The following NELL1 variants were observed in gnomAD, a reference collection of about 807,000 sequenced individuals.
NELL1 encodes protein kinase C-binding protein NELL1.
In NELL1, 76 loss-of-function variants were observed where a neutral mutation model predicts 107.4. The ratio of observed to expected loss-of-function variants is 0.71; its 90% CI spans 0.59 to 0.86. NELL1 has a LOEUF of 0.86. Ranked by LOEUF, NELL1 falls within the 40% of genes least tolerant of loss-of-function variation. The probability of loss-of-function intolerance (pLI) is 0.00; values close to 1 mark genes in which losing one functional copy is unlikely to be tolerated. For missense variants in NELL1, 1,024 were observed against 1,005.5 expected, an observed-to-expected ratio of 1.02 and a Z score of -0.25; for synonymous variants, 353 against 341.2, an observed-to-expected ratio of 1.03 and a Z score of -0.38.
intron 14 of NELL1, among the ~76,000 whole-genome samples, chr11:21,293,854 C>A (rs2133963482): frequency 6.6e-6 from 1 of 152,230 alleles, no homozygotes; most frequent in South Asian, 2.1e-4. Flanking sequence ...ACCACATGAT[C>A]TCACTCATAA....
chr11:21,408,094 G>A (rs757583737), intron 15 of NELL1, among the ~76,000 whole-genome samples: 19 of 151,936 alleles, frequency 1.3e-4, no homozygotes, highest in Non-Finnish European at 2.1e-4. Context: ...TGCTCATGGA[G>A]AGCAGCATGA....
intron 14 of NELL1, among the ~76,000 whole-genome samples, chr11:21,234,815 C>T (rs1241788400): frequency 1.3e-5 from 2 of 152,112 alleles, no homozygotes; most frequent in Admixed American, 1.3e-4. Flanking sequence ...TGTGACAGAT[C>T]ATGCTAAAGA....
intron 14 of NELL1, among the ~76,000 whole-genome samples, chr11:21,242,280 A>G (rs1253737253): frequency 6.6e-6 from 1 of 152,092 alleles, no homozygotes; most frequent in African/African-American, 2.4e-5. Context: ...GTCACTTTCT[A>G]TCTTGTGTCT....
intron 13 of NELL1, among the ~76,000 whole-genome samples, chr11:21,150,122 A>G (rs1856081172): frequency 6.6e-6 from 1 of 152,144 alleles, no homozygotes; most frequent in Non-Finnish European, 1.5e-5. Flanking sequence ...TCACTGGAGC[A>G]TAGTGAGGCC....
chr11:20,937,903 T>G (rs750381072), intron 10 of NELL1, 44 bp downstream of exon 10: 1 of 1,567,796 alleles, frequency 6.4e-7, no homozygotes, highest in Non-Finnish European at 8.8e-7. Flanking sequence ...GGAAAATGAA[T>G]AGATAGATGT....
intron 15 of NELL1, among the ~76,000 whole-genome samples, chr11:21,436,364 T>A (rs1005620494): frequency 6.6e-6 from 1 of 152,148 alleles, no homozygotes; most frequent in Admixed American, 6.5e-5. Context: ...TCTTCCTTAT[T>A]TAATCTTGTT....
chr11:21,413,976 G>A (rs1392639781), intron 15 of NELL1, among the ~76,000 whole-genome samples: 1 of 152,026 alleles, frequency 6.6e-6, no homozygotes, highest in Non-Finnish European at 1.5e-5. Context: ...GTTCACAATG[G>A]TAGTAAAATC....
chr11:21,102,118 G>A (rs1458028099), intron 12 of NELL1, among the ~76,000 whole-genome samples: 1 of 152,160 alleles, frequency 6.6e-6, no homozygotes, highest in African/African-American at 2.4e-5. Context: ...CTCCCAAAGT[G>A]CTGGAATGAC....
At chr11:21,307,328 GTGTT>G (rs1412699679) in intron 14 of NELL1, among the ~76,000 whole-genome samples, 1 of 151,876 alleles carries the variant, frequency 6.6e-6, no homozygotes, top group African/African-American at 2.4e-5. Flanking sequence ...GGATGTGTGT[GTGTT>G]TGTGTGTGTG....
chr11:20,992,050 GA>G (rs1250662284), intron 12 of NELL1, among the ~76,000 whole-genome samples: 1 of 150,142 alleles, frequency 6.7e-6, no homozygotes, highest in Non-Finnish European at 1.5e-5. Context: ...ATGTTTTTAG[GA>G]AGACAAAGAT....
chr11:21,371,938 C>T (rs928385899), intron 15 of NELL1, among the ~76,000 whole-genome samples: 4 of 151,834 alleles, frequency 2.6e-5, no homozygotes, highest in African/African-American at 9.7e-5. Flanking sequence ...TCACCCTGAC[C>T]AACCTGTTAT....
chr11:21,290,392 T>C (rs984086184), intron 14 of NELL1, among the ~76,000 whole-genome samples: 1 of 86,724 alleles, frequency 1.2e-5, no homozygotes, highest in African/African-American at 3.2e-5. Flanking sequence ...ATAAATAAAA[T>C]AAATAGATAA....
At chr11:20,764,557 C>A (rs1326602761) in intron 2 of NELL1, among the ~76,000 whole-genome samples, 1 of 151,018 alleles carries the variant, frequency 6.6e-6, no homozygotes, top group Non-Finnish European at 1.5e-5. Context: ...GACTGCCCAT[C>A]ATGTTTATTT....
intron 13 of NELL1, among the ~76,000 whole-genome samples, chr11:21,209,108 C>T (rs552525221): frequency 2.6e-5 from 4 of 152,032 alleles, no homozygotes; most frequent in African/African-American, 4.8e-5. Context: ...ATTTAGTTAT[C>T]GATTCTGGCA....
chr11:20,957,251 GTCTTGAC>G (rs1851194165), intron 11 of NELL1, among the ~76,000 whole-genome samples: 1 of 152,180 alleles, frequency 6.6e-6, no homozygotes, highest in Non-Finnish European at 1.5e-5. Flanking sequence ...TTGCCTGTCA[GTCTTGAC>G]TCTAGATGGA....
At chr11:21,391,383 T>C (rs1851875275) in intron 15 of NELL1, among the ~76,000 whole-genome samples, 1 of 151,658 alleles carries the variant, frequency 6.6e-6, no homozygotes, top group Non-Finnish European at 1.5e-5. Context: ...ACCTTTCAAC[T>C]TAAAAATCCC....
intron 15 of NELL1, among the ~76,000 whole-genome samples, chr11:21,513,137 C>T (rs1368153907): frequency 6.6e-6 from 1 of 152,126 alleles, no homozygotes; most frequent in Non-Finnish European, 1.5e-5. Flanking sequence ...CTTGTCAATG[C>T]CAATCAGTCT....
chr11:21,094,676 C>T (rs1043963539), intron 12 of NELL1, among the ~76,000 whole-genome samples: 2 of 152,192 alleles, frequency 1.3e-5, no homozygotes, highest in African/African-American at 2.4e-5. Context: ...AGGCTTGGAG[C>T]TTTCACCCTC....
chr11:21,470,721 T>A (rs895705900), intron 15 of NELL1, among the ~76,000 whole-genome samples: 10 of 152,094 alleles, frequency 6.6e-5, no homozygotes, highest in African/African-American at 2.4e-4. Flanking sequence ...ATTGCCAGCA[T>A]CTAGCAGAGT....
Sources: gnomAD v4.1 joint callset for allele counts (sites outside exome capture counted in the v4.1 genomes callset) on GRCh38, gnomAD v4.1.1 for gene constraint, MANE v1.5 for transcripts, NCBI Gene and HGNC (gene_info 2026-07-23, HGNC 2026-07-21) for gene names.